The following SRBD1 variants were observed in gnomAD, a reference collection of about 807,000 sequenced individuals.
SRBD1 encodes S1 RNA-binding domain-containing protein 1.
SRBD1 carries 88 observed loss-of-function variants against 115.3 expected under a neutral mutation model. That is an observed-to-expected ratio of 0.76 (90% CI 0.64 to 0.91). The LOEUF is 0.91. Ranked by LOEUF, SRBD1 falls within the 40% of genes least tolerant of loss-of-function variation. The probability of loss-of-function intolerance (pLI) is 0.00; values close to 1 mark genes in which losing one functional copy is unlikely to be tolerated. For missense variants in SRBD1, 1,385 were observed against 1,177.4 expected (o/e 1.18, Z -2.58); for synonymous variants, 509 against 407.7 (o/e 1.25, Z -2.99).
intron 4 of SRBD1, among the ~76,000 whole-genome samples, chr2:45,597,556 T>C (rs1673942301): frequency 6.6e-6 from 1 of 152,174 alleles, no homozygotes; most frequent in Non-Finnish European, 1.5e-5. Context: ...TCTTATCTGC[T>C]GAGAAAATAA....
chr2:45,603,263 T>C lies in SRBD1; in HGVS notation c.81-1180A>G, dbSNP rs547291072. Among the ~76,000 whole-genome samples, 9 of 152,298 alleles carry C rather than the reference T, an allele frequency of 5.9e-5. No homozygotes were observed. The South Asian group carries it at 1.9e-3, about 32-fold the overall frequency. On this transcript the variant is annotated intron_variant, in intron 2 of 20. Coordinates refer to ENST00000263736, the MANE Select transcript of SRBD1 (RefSeq NM_018079.5). ...AGATACCGTTGTGTTATACATGATA[T>C]AGTTCTAAGGCAGCTAGTCAACTCT...
chr2:45,461,487 A>G (rs970959914), intron 16 of SRBD1, among the ~76,000 whole-genome samples: 1 of 152,144 alleles, frequency 6.6e-6, no homozygotes, highest in Non-Finnish European at 1.5e-5. Context: ...TGGTCTTTCA[A>G]TGGCTGTTTA....
chr2:45,512,297 C>T (rs1367334524), intron 14 of SRBD1, among the ~76,000 whole-genome samples: 3 of 152,184 alleles, frequency 2.0e-5, no homozygotes, highest in Non-Finnish European at 2.9e-5. Context: ...AGTTTACATA[C>T]ATTTGCATGA....
intron 14 of SRBD1, among the ~76,000 whole-genome samples, chr2:45,537,584 A>G (rs1324264150): frequency 6.6e-6 from 1 of 152,198 alleles, no homozygotes; most frequent in Non-Finnish European, 1.5e-5. Context: ...TTTGCCAACA[A>G]TAGCAATCAT....
At chr2:45,601,713 C>A (rs935093818) in intron 3 of SRBD1, among the ~76,000 whole-genome samples, 190 bp downstream of exon 3, 1 of 152,222 alleles carries the variant, frequency 6.6e-6, no homozygotes, top group South Asian at 2.1e-4. Flanking sequence ...CAGACCAACT[C>A]CTAGGAGAGG....
intron 10 of SRBD1, among the ~76,000 whole-genome samples, chr2:45,555,734 T>C (rs1281747975): frequency 1.8e-4 from 27 of 152,104 alleles, no homozygotes; most frequent in Non-Finnish European, 1.5e-5. Flanking sequence ...CCTCGTGATC[T>C]GCCCATGTCA....
intron 19 of SRBD1, among the ~76,000 whole-genome samples, chr2:45,405,754 A>AAAAGAGTTAAGAATAG (rs141299583): frequency 6.6e-6 from 1 of 151,772 alleles, no homozygotes; most frequent in African/African-American, 2.4e-5. Flanking sequence ...CAGAATGGGT[A>AAAAGAGTTAAGAATAG]AAAGAGACGA....
intron 16 of SRBD1, among the ~76,000 whole-genome samples, chr2:45,458,012 T>A (rs945386330): frequency 6.6e-6 from 1 of 152,064 alleles, no homozygotes; most frequent in South Asian, 2.1e-4. Flanking sequence ...ACTATTCACA[T>A]ATTCTCTTTT....
chr2:45,414,088 T>C (rs973508363), intron 18 of SRBD1, among the ~76,000 whole-genome samples: 6 of 152,184 alleles, frequency 3.9e-5, no homozygotes, highest in Non-Finnish European at 7.3e-5. Flanking sequence ...GCATCAGATT[T>C]CTCACTGGCA....
At chr2:45,425,552 G>A (rs905124153) in intron 16 of SRBD1, among the ~76,000 whole-genome samples, 63 of 152,142 alleles carry the variant, frequency 4.1e-4, no homozygotes, top group African/African-American at 1.4e-3. Context: ...AACAACTCCA[G>A]TCTGCAGCTT....
Position 45,547,091 on chromosome 2 carries a change from C to T in SRBD1, c.1767-252G>A, listed in dbSNP as rs140876433. Among the ~76,000 whole-genome samples the T allele has an allele frequency of 2.3e-3, 347 of 152,222 alleles. 3 individuals carry two copies. The highest frequency in any genetic ancestry group is 8.0e-3 in the African/African-American group (333 of 41,540). ...TATCTCAAAAAAGTCAGCTTTCTTC[C>T]CATCAAGAAGGAACCAAAATCAGAG... On this transcript the variant is annotated intron_variant, in intron 13 of 20. Transcript: ENST00000263736.
intron 19 of SRBD1, among the ~76,000 whole-genome samples, chr2:45,410,377 A>C (rs374803570): frequency 3.3e-5 from 5 of 152,220 alleles, no homozygotes; most frequent in African/African-American, 1.2e-4. Context: ...TCTCGTATGT[A>C]TTTTTCTAAG....
At chr2:45,421,771 A>G (rs1668014777) in intron 16 of SRBD1, among the ~76,000 whole-genome samples, 1 of 152,178 alleles carries the variant, frequency 6.6e-6, no homozygotes, top group Non-Finnish European at 1.5e-5. Flanking sequence ...ATTTAATAAC[A>G]GCAGAAGCTT....
chr2:45,548,827 A>G (rs1672202106), intron 12 of SRBD1, among the ~76,000 whole-genome samples: 1 of 152,230 alleles, frequency 6.6e-6, no homozygotes, highest in South Asian at 2.1e-4. Flanking sequence ...TCTAGAACAT[A>G]GATAAAATAT....
chr2:45,485,834 C>T (rs745770044), intron 15 of SRBD1, among the ~76,000 whole-genome samples: 2 of 152,086 alleles, frequency 1.3e-5, no homozygotes, highest in Non-Finnish European at 2.9e-5. Context: ...AAGAAAGACT[C>T]CCAATGAGAA....
At chr2:45,598,141 A>C (rs1195665847) in intron 4 of SRBD1, among the ~76,000 whole-genome samples, 4 of 152,222 alleles carry the variant, frequency 2.6e-5, no homozygotes, top group African/African-American at 4.8e-5. Context: ...CCACACTTTA[A>C]AACACTGCCT....
rs193103797 is a variant in SRBD1 at position 45,520,491 on chromosome 2, C to T, written c.1874+26241G>A. Among the ~76,000 whole-genome samples, 824 of 152,316 alleles carry T rather than the reference C, an allele frequency of 5.4e-3. 10 individuals are homozygous for T. Among genetic ancestry groups the T allele is most frequent in the African/African-American group, 0.017 (688 of 41,564 alleles). On this transcript the variant is annotated intron_variant, in intron 14 of 20. Transcript: ENST00000263736. ...TACGGGGGAGAAGAGGGCAGTTCCC[C>T]GGCAAAGGCCCCACCCTCAAACCTG... is the stretch of plus-strand genomic sequence containing the variant.
intron 2 of SRBD1, among the ~76,000 whole-genome samples, chr2:45,604,624 C>G (rs1424303921): frequency 6.6e-6 from 1 of 152,158 alleles, no homozygotes; most frequent in Non-Finnish European, 1.5e-5. Context: ...GGTCTTTGCA[C>G]TTGCTGCTTT....
At chr2:45,543,333 G>C (rs1229149065) in intron 14 of SRBD1, among the ~76,000 whole-genome samples, 1 of 152,208 alleles carries the variant, frequency 6.6e-6, no homozygotes, top group Non-Finnish European at 1.5e-5. Context: ...AGAAATGAAT[G>C]AGAGAAAAGA....
Sources: gnomAD v4.1 joint callset for allele counts (sites outside exome capture counted in the v4.1 genomes callset) on GRCh38, gnomAD v4.1.1 for gene constraint, MANE v1.5 for transcripts, NCBI Gene and HGNC (gene_info 2026-07-23, HGNC 2026-07-21) for gene names.